The following TANK variants were observed in gnomAD, a reference collection of about 807,000 sequenced individuals.
TANK encodes TRAF family member associated NFKB activator.
TANK carries 15 observed loss-of-function variants against 43.6 expected under a neutral mutation model. That is an observed-to-expected ratio of 0.34 (90% CI 0.23 to 0.53). TANK has a LOEUF of 0.53. Among genes scored for constraint, TANK ranks in the 20% least tolerant of loss-of-function variants. The probability of loss-of-function intolerance (pLI) is 0.94; values close to 1 mark genes in which losing one functional copy is unlikely to be tolerated. For synonymous variants in TANK, 162 were observed against 178.2 expected (o/e 0.91, Z 0.73); for missense variants, 417 against 498.6 (o/e 0.84, Z 1.56).
chr2:161,201,096 T>C, intron 2 of TANK: 2 of 985,226 alleles, frequency 2.0e-6, no homozygotes, highest in South Asian at 9.4e-5. Context: ...GTGAAAAGTG[T>C]AGGAGGAAAA....
intron 1 of TANK, chr2:161,160,971 C>T (rs1238926273): frequency 2.3e-6 from 1 of 438,296 alleles, no homozygotes; most frequent in Non-Finnish European, 4.4e-6. Flanking sequence ...TTCCCCTCTG[C>T]CTTCCTGTGG....
chr2:161,193,313 G>T (rs1686003192), intron 2 of TANK, among the ~76,000 whole-genome samples: 1 of 152,172 alleles, frequency 6.6e-6, no homozygotes, highest in South Asian at 2.1e-4. Context: ...TAAGACAAAA[G>T]ATTATTATGG....
intron 4 of TANK, among the ~76,000 whole-genome samples, chr2:161,205,799 G>GTT (rs1406753340): frequency 1.3e-5 from 2 of 152,048 alleles, no homozygotes; most frequent in Non-Finnish European, 2.9e-5. Flanking sequence ...GTTTTGTTTT[G>GTT]TTTTGTTTTT....
intron 1 of TANK, among the ~76,000 whole-genome samples, chr2:161,149,077 G>T (rs903260944): frequency 6.6e-6 from 1 of 152,122 alleles, no homozygotes. Flanking sequence ...AGATCAATTT[G>T]TGGAGTACTG....
chr2:161,218,786 A>G (rs1270830060), intron 4 of TANK, among the ~76,000 whole-genome samples: 1 of 152,222 alleles, frequency 6.6e-6, no homozygotes, highest in Non-Finnish European at 1.5e-5. Context: ...CTAAATTTGT[A>G]GTTAAAGGAT....
At chr2:161,146,690 C>T (rs1429774227) in intron 1 of TANK, among the ~76,000 whole-genome samples, 1 of 152,146 alleles carries the variant, frequency 6.6e-6, no homozygotes, top group Non-Finnish European at 1.5e-5. Flanking sequence ...AAGATGGATG[C>T]CTGCTCCTTC....
chr2:161,183,527 A>AT (rs1479009421), intron 2 of TANK, among the ~76,000 whole-genome samples: 2 of 152,060 alleles, frequency 1.3e-5, no homozygotes, highest in Non-Finnish European at 2.9e-5. Context: ...TAACTCCTAT[A>AT]TTTTTTGCAC....
At chr2:161,212,977 C>T (rs968975638) in intron 4 of TANK, among the ~76,000 whole-genome samples, 1 of 152,166 alleles carries the variant, frequency 6.6e-6, no homozygotes. Context: ...CCACTCATGG[C>T]CGAAGGCAAA....
chr2:161,163,805 TATG>T, intron 1 of TANK, among the ~76,000 whole-genome samples: 2 of 152,242 alleles, frequency 1.3e-5, no homozygotes, highest in African/African-American at 4.8e-5. Flanking sequence ...ATGTGCATGG[TATG>T]TGCACGCACA....
intron 1 of TANK, chr2:161,161,151 C>A: frequency 7.1e-7 from 1 of 1,409,924 alleles, no homozygotes; most frequent in Non-Finnish European, 9.4e-7. Flanking sequence ...GAGTTACAGG[C>A]AAAAAAGCTG....
At chr2:161,161,260 A>G in intron 1 of TANK, 1 of 1,550,258 alleles carries the variant, frequency 6.5e-7, no homozygotes, top group Non-Finnish European at 8.7e-7. Context: ...TTGCTATGTA[A>G]AGTGGTGTTT....
In TANK at chr2:161,224,618, T is replaced by A; in HGVS notation, c.405-13T>A. ...ATAGCTTTACATTTTAAAATGTTGA[T>A]TTTTTTTTTTAGGGGTAATATAGAG... On this transcript the variant is annotated splice_polypyrimidine_tract_variant and intron_variant, in intron 5 of 7. Transcript: ENST00000392749. The A allele has an allele frequency of 1.4e-6, 1 of 704,574 alleles. No individual in the cohort carries two copies. Among genetic ancestry groups the A allele is most frequent in the South Asian group, 3.3e-5 (1 of 30,352 alleles). 43.6% of individuals were successfully genotyped at this position (704,574 alleles called of 1,614,324 possible). A position where few individuals can be genotyped will look rare whatever the true frequency, so the allele number is the denominator to read the frequency against.
chr2:161,147,444 G>T (rs936867441), intron 1 of TANK, among the ~76,000 whole-genome samples: 3 of 151,950 alleles, frequency 2.0e-5, no homozygotes, highest in Admixed American at 2.0e-4. Flanking sequence ...TAGGCCTGGT[G>T]GTGTGGGCTC....
At chr2:161,165,378 G>T (rs1684630790) in intron 1 of TANK, among the ~76,000 whole-genome samples, 1 of 151,972 alleles carries the variant, frequency 6.6e-6, no homozygotes, top group Non-Finnish European at 1.5e-5. Flanking sequence ...AGGATTTTTG[G>T]AATCAGCAAA....
intron 2 of TANK, among the ~76,000 whole-genome samples, chr2:161,188,673 A>G (rs906057936): frequency 1.3e-5 from 2 of 152,208 alleles, no homozygotes; most frequent in African/African-American, 2.4e-5. Context: ...TACCCATTCT[A>G]TGAGGCCAGC....
At chr2:161,151,145 G>T (rs1167968632) in intron 1 of TANK, among the ~76,000 whole-genome samples, 1 of 152,072 alleles carries the variant, frequency 6.6e-6, no homozygotes, top group Non-Finnish European at 1.5e-5. Context: ...AAGATACTTT[G>T]TATGATTTCA....
chr2:161,161,566 C>G (rs761721116), intron 1 of TANK: 3 of 1,286,866 alleles, frequency 2.3e-6, no homozygotes, highest in Non-Finnish European at 3.1e-6. Flanking sequence ...CCACATCTTT[C>G]CTGTATGTGC....
intron 1 of TANK, among the ~76,000 whole-genome samples, chr2:161,139,093 C>T (rs1419566860): frequency 6.6e-6 from 1 of 152,144 alleles, no homozygotes; most frequent in Non-Finnish European, 1.5e-5. Context: ...ATTGATCCCT[C>T]ATTTTTTCTA....
intron 1 of TANK, among the ~76,000 whole-genome samples, chr2:161,175,871 G>A (rs576213712): frequency 1.6e-4 from 24 of 152,108 alleles, no homozygotes; most frequent in Admixed American, 2.6e-4. Context: ...GAGTATCCAG[G>A]CTCCAGAAGA....
Sources: gnomAD v4.1 joint callset for allele counts (sites outside exome capture counted in the v4.1 genomes callset) on GRCh38, gnomAD v4.1.1 for gene constraint, MANE v1.5 for transcripts, NCBI Gene and HGNC (gene_info 2026-07-23, HGNC 2026-07-21) for gene names.